The following STON2 variants were observed in gnomAD, a reference collection of about 807,000 sequenced individuals.
STON2 encodes stonin 2.
In STON2, 29 loss-of-function variants were observed where a neutral mutation model predicts 65.7. That is an observed-to-expected ratio of 0.44 (90% CI 0.33 to 0.60). STON2 has a LOEUF of 0.60. Ranked by LOEUF, STON2 falls within the 20% of genes least tolerant of loss-of-function variation. The pLI is 0.03. For missense variants in STON2, 1,054 were observed against 1,118.1 expected (o/e 0.94, Z 0.82); for synonymous variants, 404 against 414.2 (o/e 0.98, Z 0.30).
intron 5 of STON2, among the ~76,000 whole-genome samples, chr14:81,292,544 G>C (rs1895599617): frequency 1.3e-5 from 2 of 152,140 alleles, no homozygotes; most frequent in African/African-American, 4.8e-5. Context: ...GGTTTTATAA[G>C]GGGTTTTGCC....
At chr14:81,322,255 C>T (rs1896846266) in intron 5 of STON2, among the ~76,000 whole-genome samples, 1 of 152,180 alleles carries the variant, frequency 6.6e-6, no homozygotes, top group Admixed American at 6.5e-5. Flanking sequence ...TGGTTTTGTA[C>T]CGTAACGTGT....
chr14:81,371,881 A>C (rs1899015373), intron 3 of STON2, among the ~76,000 whole-genome samples: 1 of 152,058 alleles, frequency 6.6e-6, no homozygotes, highest in East Asian at 1.9e-4. Flanking sequence ...GCACAAAAAA[A>C]CTCACCAATT....
intron 6 of STON2, among the ~76,000 whole-genome samples, chr14:81,274,545 T>TG (rs1292926674): frequency 6.6e-6 from 1 of 151,786 alleles, no homozygotes; most frequent in African/African-American, 2.4e-5. Flanking sequence ...TCTCTCCTTT[T>TG]GGGAAATAAT....
chr14:81,358,667 C>T (rs1284956016), intron 4 of STON2, among the ~76,000 whole-genome samples: 1 of 152,056 alleles, frequency 6.6e-6, no homozygotes, highest in African/African-American at 2.4e-5. Context: ...TAAAGACACA[C>T]ATAGACTGAA....
chr14:81,285,117 C>T lies in STON2; in HGVS notation c.743-6378G>A, dbSNP rs555570975. ...TCATGCCTGCAGCCGTGGAACACAACATCCATTCTCTATCCCATGGATCAA... is the reference window on the plus strand; with the variant it reads ...TCATGCCTGCAGCCGTGGAACACAATATCCATTCTCTATCCCATGGATCAA... On this transcript the variant is annotated intron_variant, in intron 5 of 7. Transcript: ENST00000614646. Among the ~76,000 whole-genome samples the T allele has an allele frequency of 5.3e-5, 8 of 152,322 alleles. No individual in the cohort carries two copies. In the South Asian group the frequency reaches 1.7e-3, roughly 32 times the overall value.
At chr14:81,327,385 A>G (rs1409726718) in intron 4 of STON2, among the ~76,000 whole-genome samples, 2 of 151,810 alleles carry the variant, frequency 1.3e-5, no homozygotes, top group Admixed American at 6.6e-5. Flanking sequence ...ATGTCCCACA[A>G]TCTACATTTT....
At chr14:81,303,104 A>C (rs1183754095) in intron 5 of STON2, among the ~76,000 whole-genome samples, 1 of 151,762 alleles carries the variant, frequency 6.6e-6, no homozygotes, top group Non-Finnish European at 1.5e-5. Context: ...TAATGAATAC[A>C]AATGAGAATG....
intron 5 of STON2, among the ~76,000 whole-genome samples, chr14:81,312,141 T>C (rs1479717336): frequency 6.6e-6 from 1 of 152,196 alleles, no homozygotes; most frequent in African/African-American, 2.4e-5. Context: ...GATTACATGA[T>C]TGTCTTAGTC....
intron 5 of STON2, among the ~76,000 whole-genome samples, chr14:81,294,216 T>TA (rs1895673649): frequency 7.9e-5 from 12 of 152,220 alleles, no homozygotes; most frequent in Admixed American, 7.9e-4. Context: ...CTCTTTACTC[T>TA]CCCTGATTCT....
intron 4 of STON2, among the ~76,000 whole-genome samples, chr14:81,368,695 G>C (rs1898849536): frequency 6.6e-6 from 1 of 152,134 alleles, no homozygotes; most frequent in African/African-American, 2.4e-5. Flanking sequence ...TCCAGCCTGG[G>C]TGACAGAGCG....
intron 4 of STON2, among the ~76,000 whole-genome samples, chr14:81,350,170 C>T (rs1027043110): frequency 5.3e-5 from 8 of 152,056 alleles, no homozygotes; most frequent in African/African-American, 1.9e-4. Flanking sequence ...AACAATACTA[C>T]ACTGTATATT....
chr14:81,430,676 A>G (rs1405765867), intron 1 of STON2, among the ~76,000 whole-genome samples: 2 of 152,228 alleles, frequency 1.3e-5, no homozygotes, highest in Non-Finnish European at 1.5e-5. Context: ...CATTTCAGAA[A>G]GAGAGCAGTA....
chr14:81,400,340 C>T (rs1048205597), upstream of STON2, among the ~76,000 whole-genome samples: 2 of 152,082 alleles, frequency 1.3e-5, no homozygotes, highest in African/African-American at 2.4e-5. Context: ...CTGCCTTTGA[C>T]GACTTTCTCA....
At chr14:81,408,312 A>G (rs1398403314) in intron 2 of STON2, among the ~76,000 whole-genome samples, 1 of 152,162 alleles carries the variant, frequency 6.6e-6, no homozygotes, top group Non-Finnish European at 1.5e-5. Flanking sequence ...AAAGGAGACC[A>G]CCCAATCTTC....
intron 3 of STON2, among the ~76,000 whole-genome samples, chr14:81,389,551 T>C (rs1899981045): frequency 6.6e-6 from 1 of 152,240 alleles, no homozygotes; most frequent in South Asian, 2.1e-4. Flanking sequence ...CATTTCTATG[T>C]GGTCAGTTTA....
At chr14:81,321,878 G>A (rs1896832686) in intron 5 of STON2, among the ~76,000 whole-genome samples, 1 of 152,130 alleles carries the variant, frequency 6.6e-6, no homozygotes, top group Non-Finnish European at 1.5e-5. Context: ...CCATCCCATG[G>A]AAACTGGACC....
At chr14:81,382,223 A>AAAAG (rs1595422561) in intron 3 of STON2, among the ~76,000 whole-genome samples, 1 of 150,950 alleles carries the variant, frequency 6.6e-6, no homozygotes, top group African/African-American at 2.5e-5. Flanking sequence ...TGTCTCAAAA[A>AAAAG]AAAAGAAAAG....
At chr14:81,370,516 A>G (rs1317426552) in intron 4 of STON2, among the ~76,000 whole-genome samples, 5 of 152,216 alleles carry the variant, frequency 3.3e-5, no homozygotes, top group Non-Finnish European at 7.3e-5. Context: ...TTAACTGCCA[A>G]ATGATTTGTA....
upstream of STON2, among the ~76,000 whole-genome samples, chr14:81,405,126 T>C (rs903544299): frequency 8.5e-5 from 13 of 152,176 alleles, no homozygotes; most frequent in African/African-American, 3.1e-4. Context: ...ATGTCCATTT[T>C]TTCATTAAAT....
Sources: allele counts gnomAD v4.1 joint callset (sites outside exome capture counted in the v4.1 genomes callset), GRCh38; gene constraint gnomAD v4.1.1; transcripts MANE v1.5; gene names NCBI Gene and HGNC (gene_info 2026-07-23, HGNC 2026-07-21).